Variants in ABCG8 observed in about 807,000 individuals in gnomAD.
ABCG8 encodes the protein ATP binding cassette subfamily G member 8.
A neutral mutation model predicts 71.3 loss-of-function variants in ABCG8; 81 were observed. That is an observed-to-expected ratio of 1.14 (90% CI 0.95 to 1.37). The LOEUF (loss-of-function observed/expected upper bound fraction) is 1.37. Among genes scored for constraint, ABCG8 ranks in the 40% most tolerant of loss-of-function variants. The probability of loss-of-function intolerance (pLI) is 0.00; values close to 1 mark genes in which losing one functional copy is unlikely to be tolerated. For missense variants in ABCG8, 1,119 were observed against 866.2 expected, an observed-to-expected ratio of 1.29 and a Z score of -3.66; for synonymous variants, 451 against 354.7, an observed-to-expected ratio of 1.27 and a Z score of -3.05.
chr2:43,856,221 ACTAT>A (rs1193489258), intron 6 of ABCG8, among the ~76,000 whole-genome samples: 1 of 151,488 alleles, frequency 6.6e-6, no homozygotes, highest in Admixed American at 6.6e-5. Flanking sequence ...TAGAACTCTG[ACTAT>A]CTGTCTGGAT....
rs1004307949 is a variant in ABCG8 at position 43,846,330 on chromosome 2, G to T, written c.322+19G>T. The T allele has an allele frequency of 3.7e-6, 6 of 1,613,904 alleles. No individual in the cohort carries two copies. Among genetic ancestry groups the T allele is most frequent in the Admixed American group, 3.3e-5 (2 of 60,006 alleles). On this transcript the variant is annotated intron_variant, in intron 3 of 12. Transcript: ENST00000272286. ...AGCTCAGGTACCGGAAAGGCAAATCGCTGGGCAATGGTTTCTCTCCTGGGA... is the reference window on the plus strand; with the variant it reads ...AGCTCAGGTACCGGAAAGGCAAATCTCTGGGCAATGGTTTCTCTCCTGGGA...
At position 43,872,764 on chromosome 2, in the gene ABCG8, C is replaced by T. The variant is rs530604466; in HGVS notation, c.1211+458C>T. On this transcript the variant is annotated intron_variant, in intron 8 of 12. Coordinates refer to ENST00000272286, the MANE Select transcript of ABCG8 (RefSeq NM_022437.3). ...CACTAACCTTCAGTGCGACACAGAACACCCCTATTGCTTTTATTCTTTAAG... is the reference window on the plus strand; with the variant it reads ...CACTAACCTTCAGTGCGACACAGAATACCCCTATTGCTTTTATTCTTTAAG... Among the ~76,000 whole-genome samples, 32 of 152,274 alleles carry T rather than the reference C, an allele frequency of 2.1e-4. No individual in the cohort carries two copies. In the South Asian group the frequency reaches 6.2e-3, roughly 30 times the overall value.
intron 3 of ABCG8, chr2:43,847,080 C>G (rs192504530): frequency 6.5e-6 from 1 of 153,244 alleles, no homozygotes; most frequent in African/African-American, 2.4e-5. Flanking sequence ...GAGGGATTCT[C>G]GTAAGGACAC....
In ABCG8 at chr2:43,882,317, C is replaced by T. The variant is rs1670154757; in HGVS notation, c.*4404C>T. 1 of 152,232 alleles carries T rather than the reference C, an allele frequency of 6.6e-6. No homozygotes were observed. The allele number at this position is 152,232 out of a possible 1,614,324, so 9.4% of individuals were successfully genotyped here. On this transcript the variant is annotated 3_prime_UTR_variant, in exon 13 of 13. Coordinates refer to ENST00000272286, the MANE Select transcript of ABCG8 (RefSeq NM_022437.3). ...CAACTAGCAACAGAAATGTTCAAATCTGTCAAATCCAAGTGTTAACAGACC... is the reference window on the plus strand; with the variant it reads ...CAACTAGCAACAGAAATGTTCAAATTTGTCAAATCCAAGTGTTAACAGACC...
chr2:43,874,136 A>G (rs2104947632), intron 9 of ABCG8, 150 bp downstream of exon 9: 3 of 946,922 alleles, frequency 3.2e-6, no homozygotes, highest in East Asian at 2.5e-5. Flanking sequence ...ATATTAGCAT[A>G]CAAATGAAAG....
rs947237870 is a variant in ABCG8, at chr2:43,882,423, G to C, written c.*4510G>C. On this transcript the variant is annotated 3_prime_UTR_variant, in exon 13 of 13. Transcript: ENST00000272286. ...GGCCCAACCGGCCTTGGGGTCTGGA[G>C]CACCAAACAGGCCCTGAGGAAGCGT... 1 of 152,228 alleles carries C rather than the reference G, an allele frequency of 6.6e-6. No individual in the cohort carries two copies. The highest frequency in any genetic ancestry group is 1.5e-5 in the Non-Finnish European group (1 of 68,042). 9.4% of individuals were successfully genotyped at this position (152,228 alleles called of 1,614,324 possible). A position where few individuals can be genotyped will look rare whatever the true frequency, so the allele number is the denominator to read the frequency against.
intron 6 of ABCG8, among the ~76,000 whole-genome samples, chr2:43,868,629 T>C (rs1669620992): frequency 1.3e-5 from 2 of 152,156 alleles, no homozygotes; most frequent in African/African-American, 4.8e-5. Flanking sequence ...ACTCTCTGTC[T>C]GGATAGCACT....
At chr2:43,852,930 C>A in intron 6 of ABCG8, 62 bp downstream of exon 6, 5 of 1,597,298 alleles carry the variant, frequency 3.1e-6, no homozygotes, top group Non-Finnish European at 4.3e-6. Flanking sequence ...TGCTTAAACC[C>A]TGCCCAAGCT....
At chr2:43,843,523 T>C (rs1455970446) in intron 1 of ABCG8, among the ~76,000 whole-genome samples, 6 of 151,916 alleles carry the variant, frequency 3.9e-5, no homozygotes, top group Non-Finnish European at 8.8e-5. Context: ...CTACAAAAAA[T>C]ACAAAAATTA....
At chr2:43,875,123 C>T (rs1279907511) in intron 10 of ABCG8, 23 bp from the exon 11 acceptor site, 4 of 1,614,150 alleles carry the variant, frequency 2.5e-6, no homozygotes, top group Non-Finnish European at 3.4e-6. Context: ...GCTTCATATC[C>T]TTGCAAGGGC....
At chr2:43,848,009 C>T (rs1668799709) in intron 3 of ABCG8, 1 of 152,030 alleles carries the variant, frequency 6.6e-6, no homozygotes, top group Admixed American at 6.6e-5. Flanking sequence ...AGGTGATCTG[C>T]TTGCCTTGGC....
chr2:43,842,009 T>C (rs1668594664), intron 1 of ABCG8, among the ~76,000 whole-genome samples: 1 of 129,408 alleles, frequency 7.7e-6, no homozygotes, highest in Admixed American at 7.7e-5. Context: ...TAGAAATGGA[T>C]AAGATTTTTT....
At chr2:43,870,834 C>G (rs973490943) in intron 6 of ABCG8, among the ~76,000 whole-genome samples, 1 of 151,578 alleles carries the variant, frequency 6.6e-6, no homozygotes, top group African/African-American at 2.4e-5. Context: ...CTGGATAGAA[C>G]TCTCACTGTC....
At position 43,846,276 on chromosome 2, in the gene ABCG8, G is replaced by T. The variant is rs1421003606; in HGVS notation, c.287G>T (p.Arg96Ile). 3.7e-6 allele frequency: 6 copies of T among 1,614,100 alleles called. No homozygotes were observed. The African/African-American group carries it at 8.0e-5, about 22-fold the overall frequency. Reference sequence around the variant, plus strand: ...ATCCAGAACCTAAGCTTCAAAGTGAGAAGTGGGCAGATGCTGGCCATCATA... The same window carrying T: ...ATCCAGAACCTAAGCTTCAAAGTGATAAGTGGGCAGATGCTGGCCATCATA... ...LGIQNLSFKV[R>I]SGQMLAIIGS... The change falls in exon 3 of 13, where the codon AGA becomes ATA. Residue 96 changes from arginine to isoleucine, a missense_variant. Coordinates refer to ENST00000272286, the MANE Select transcript of ABCG8 (RefSeq NM_022437.3).
Position 43,872,307 on chromosome 2 carries a change from G to T in ABCG8, c.1211+1G>T. 1 of 1,613,250 alleles carries T rather than the reference G, an allele frequency of 6.2e-7. No individual in the cohort carries two copies. The highest frequency in any genetic ancestry group is 8.5e-7 in the Non-Finnish European group (1 of 1,179,730). ...TGCAGCAGTTTACGACGCTGATCCG[G>T]TAATTATCTGTCATTTTATTACTGA... is the stretch of plus-strand genomic sequence containing the variant. On this transcript the variant is annotated splice_donor_variant, in intron 8 of 12. Coordinates refer to ENST00000272286, the MANE Select transcript of ABCG8 (RefSeq NM_022437.3). LOFTEE classifies it high-confidence loss of function.
At chr2:43,866,745 G>A (rs1327432294) in intron 6 of ABCG8, among the ~76,000 whole-genome samples, 1 of 151,232 alleles carries the variant, frequency 6.6e-6, no homozygotes, top group African/African-American at 2.4e-5. Context: ...TACACTGTTG[G>A]TGGGATTGTA....
At chr2:43,865,363 A>C (rs1355659050) in intron 6 of ABCG8, among the ~76,000 whole-genome samples, 1 of 151,352 alleles carries the variant, frequency 6.6e-6, no homozygotes, top group African/African-American at 2.4e-5. Context: ...TAGAACTCTT[A>C]CTATCTGGAT....
chr2:43,854,195 C>A (rs1337869811), intron 6 of ABCG8, among the ~76,000 whole-genome samples: 1 of 152,200 alleles, frequency 6.6e-6, no homozygotes. Flanking sequence ...CTCTCACCAA[C>A]CTGGGATGCA....
chr2:43,858,167 G>A (rs1041180082), intron 6 of ABCG8, among the ~76,000 whole-genome samples: 5 of 148,410 alleles, frequency 3.4e-5, no homozygotes, highest in African/African-American at 1.2e-4. Context: ...TCTGGATAGA[G>A]TTCTCACCAT....
Sources: gnomAD v4.1 joint callset for allele counts (sites outside exome capture counted in the v4.1 genomes callset) on GRCh38, gnomAD v4.1.1 for gene constraint, MANE v1.5 for transcripts, NCBI Gene and HGNC (gene_info 2026-07-23, HGNC 2026-07-21) for gene names.